The following KCNH1 variants were observed in gnomAD, a reference collection of about 807,000 sequenced individuals.
KCNH1 encodes voltage-gated delayed rectifier potassium channel KCNH1.
A neutral mutation model predicts 69.2 loss-of-function variants in KCNH1; 27 were observed. That is an observed-to-expected ratio of 0.39 (90% CI 0.29 to 0.54). The LOEUF (loss-of-function observed/expected upper bound fraction) is 0.54. Among genes scored for constraint, KCNH1 ranks in the 20% least tolerant of loss-of-function variants. The pLI is 0.68. For missense variants in KCNH1, 798 were observed against 1,261.6 expected, an observed-to-expected ratio of 0.63 and a Z score of 5.57; for synonymous variants, 456 against 487.7, an observed-to-expected ratio of 0.93 and a Z score of 0.86.
At position 210,929,281 on chromosome 1, in the gene KCNH1, A is replaced by C. The variant is rs192611664; in HGVS notation, c.1033-9212T>G. Among the ~76,000 whole-genome samples, 4 of 152,198 alleles carry C rather than the reference A, an allele frequency of 2.6e-5. No homozygotes were observed. The East Asian group carries it at 7.7e-4, about 29-fold the overall frequency. ...AACATAGATTAAAAAATCCTTAACA[A>C]AATACTAGCAAACTGAATCCAACAG... On this transcript the variant is annotated intron_variant, in intron 6 of 10. Transcript: ENST00000271751.
chr1:210,919,889 T>A lies in KCNH1; in HGVS notation c.1213A>T (p.Ile405Phe). The A allele has an allele frequency of 6.2e-7, 1 of 1,614,102 alleles. No homozygotes were observed. Among genetic ancestry groups the A allele is most frequent in the Non-Finnish European group, 8.5e-7 (1 of 1,180,010 alleles). Residue 405 changes from isoleucine to phenylalanine, a missense_variant, in exon 7 of 11, where the codon ATC becomes TTC. Ile to Phe is a conservative substitution (Grantham distance 21). Around this residue, in one of 4 missense-constraint regions of KCNH1, gnomAD observed 197 missense variants for 407.7 expected, o/e 0.48. Transcript: ENST00000271751. This position sits in a 1 kb window ranked among gnomAD's most constrained non-coding sequence, Gnocchi z 4.2. ...ATTGTCTTGGTGTCCTCGTCAAAGATCTCATAGTCCCCAATGCTGTACCAG... is the reference window on the plus strand; with the variant it reads ...ATTGTCTTGGTGTCCTCGTCAAAGAACTCATAGTCCCCAATGCTGTACCAG... ...CIWYSIGDYEIFDEDTKTIRN... is the reference protein window; with the variant it reads ...CIWYSIGDYEFFDEDTKTIRN...
chr1:210,762,799 G>T (rs779235835), intron 10 of KCNH1, among the ~76,000 whole-genome samples: 87 of 151,984 alleles, frequency 5.7e-4, no homozygotes, highest in Admixed American at 3.3e-4. Flanking sequence ...GATATACAAA[G>T]AAAAGCTGGT....
At chr1:210,859,494 C>A in intron 7 of KCNH1, 1 of 1,605,400 alleles carries the variant, frequency 6.2e-7, no homozygotes, top group Admixed American at 1.7e-5. Context: ...CACCTTCTTC[C>A]CAATCTTCAT....
chr1:210,795,550 G>C (rs1210279301), intron 9 of KCNH1, among the ~76,000 whole-genome samples: 1 of 152,148 alleles, frequency 6.6e-6, no homozygotes, highest in Non-Finnish European at 1.5e-5. Context: ...GTAATCAAGA[G>C]AGTCAGTTGG....
chr1:210,711,232 C>T lies in KCNH1; in HGVS notation c.2113-27094G>A, dbSNP rs180800927. Among the ~76,000 whole-genome samples, 4 of 152,360 alleles carry T rather than the reference C, an allele frequency of 2.6e-5. No homozygotes were observed. The East Asian group carries it at 5.8e-4, about 22-fold the overall frequency. On this transcript the variant is annotated intron_variant, in intron 10 of 10. Transcript: ENST00000271751. ...CTAATATAAATGCCATCATACCTGG[C>T]CTGCCAGAAATCTTGTGGGAAATCA...
At chr1:210,966,019 C>T (rs1447361751) in intron 6 of KCNH1, among the ~76,000 whole-genome samples, 5 of 152,184 alleles carry the variant, frequency 3.3e-5, no homozygotes, top group Admixed American at 6.6e-5. Flanking sequence ...CAGCATGGTA[C>T]TGGTACCAAA....
chr1:210,700,999 G>A (rs1010704220), intron 10 of KCNH1, among the ~76,000 whole-genome samples: 30 of 152,064 alleles, frequency 2.0e-4, no homozygotes, highest in Admixed American at 4.6e-4. Context: ...GTGCAGTGGC[G>A]CGATCTCGGC....
chr1:210,738,578 T>TTTTTC (rs1682939966), intron 10 of KCNH1, among the ~76,000 whole-genome samples: 1 of 136,278 alleles, frequency 7.3e-6, no homozygotes, highest in African/African-American at 3.1e-5. Flanking sequence ...TTTTTTTTTT[T>TTTTTC]TTTCTGAGAC....
intron 9 of KCNH1, among the ~76,000 whole-genome samples, chr1:210,781,949 C>T (rs1683995524): frequency 6.6e-6 from 1 of 152,200 alleles, no homozygotes; most frequent in African/African-American, 2.4e-5. Context: ...CTTGGAGTCC[C>T]TTTAAATTCG....
At chr1:210,960,126 A>C (rs1311811454) in intron 6 of KCNH1, among the ~76,000 whole-genome samples, 2 of 152,240 alleles carry the variant, frequency 1.3e-5, no homozygotes, top group African/African-American at 4.8e-5. Flanking sequence ...CACATGCATA[A>C]AATAATTATG....
At chr1:211,108,055 A>G (rs1254605832) in intron 1 of KCNH1, among the ~76,000 whole-genome samples, 1 of 152,324 alleles carries the variant, frequency 6.6e-6, no homozygotes, top group East Asian at 1.9e-4. Context: ...ACAGAGCTGC[A>G]TTTTGGGGCT....
intron 1 of KCNH1, among the ~76,000 whole-genome samples, chr1:211,123,634 AAGAC>A (rs1375101440): frequency 6.6e-6 from 1 of 152,188 alleles, no homozygotes; most frequent in Non-Finnish European, 1.5e-5. Context: ...GACAGGCAGG[AAGAC>A]AGACAGATGG....
At chr1:210,821,596 C>T (rs1217493595) in intron 7 of KCNH1, among the ~76,000 whole-genome samples, 1 of 152,010 alleles carries the variant, frequency 6.6e-6, no homozygotes, top group African/African-American at 2.4e-5. Context: ...ACAGGAGAGC[C>T]AGGAGGAGTG....
chr1:210,819,953 C>T (rs1053413415), intron 7 of KCNH1, among the ~76,000 whole-genome samples: 5 of 152,364 alleles, frequency 3.3e-5, no homozygotes, highest in Admixed American at 1.3e-4. Flanking sequence ...AGGAGATGCA[C>T]ATCATGTGAG....
chr1:210,757,603 C>A (rs762398597), intron 10 of KCNH1, among the ~76,000 whole-genome samples: 19 of 152,192 alleles, frequency 1.2e-4, no homozygotes, highest in Admixed American at 6.5e-5. Context: ...AGCTGAAGGT[C>A]ATTCTTCTGG....
At chr1:210,720,773 A>C (rs1384746136) in intron 10 of KCNH1, among the ~76,000 whole-genome samples, 1 of 152,154 alleles carries the variant, frequency 6.6e-6, no homozygotes, top group Non-Finnish European at 1.5e-5. Context: ...AAGGGGGTAG[A>C]TGTCTTTCAT....
chr1:210,856,778 G>GTT (rs1232935159), intron 7 of KCNH1, among the ~76,000 whole-genome samples: 1 of 107,152 alleles, frequency 9.3e-6, no homozygotes, highest in Non-Finnish European at 2.1e-5. Flanking sequence ...ATATATATAT[G>GTT]TTATATATAT....
At position 210,774,229 on chromosome 1, in the gene KCNH1, G is replaced by GA. The variant is rs538257952; in HGVS notation, c.2112+1118dup. On this transcript the variant is annotated intron_variant, in intron 10 of 10. Coordinates refer to ENST00000271751, the MANE Select transcript of KCNH1 (RefSeq NM_172362.3). ...AGGTTAGTCAAGCAGCCATAAGAAG[G>GA]AAGCACTCCACTGAGGGCAGACACG... 6.2e-4 allele frequency among the ~76,000 whole-genome samples: 94 copies of GA among 152,312 alleles called. 1 individual carries two copies. In the South Asian group the frequency reaches 0.019, roughly 31 times the overall value.
intron 6 of KCNH1, among the ~76,000 whole-genome samples, chr1:210,957,473 A>C (rs1688200994): frequency 6.6e-6 from 1 of 152,064 alleles, no homozygotes; most frequent in South Asian, 2.1e-4. Context: ...TATCCTTCTT[A>C]ACCTTCTATC....
Sources: gnomAD v4.1 joint callset for allele counts (sites outside exome capture counted in the v4.1 genomes callset) on GRCh38, gnomAD v4.1.1 for gene constraint, gnomAD v4.1.1 regional missense constraint, Gnocchi (gnomAD v3.1) non-coding constraint, MANE v1.5 for transcripts, NCBI Gene and HGNC (gene_info 2026-07-23, HGNC 2026-07-21) for gene names.